ADGRG7: variants seen among roughly 807,000 people sequenced by gnomAD.
ADGRG7 encodes G-protein coupled receptor 128.
Under a neutral mutation model 88.6 loss-of-function variants are expected in ADGRG7, and 82 were observed. That is an observed-to-expected ratio of 0.93 (90% CI 0.77 to 1.11). The LOEUF (loss-of-function observed/expected upper bound fraction) is 1.11, where lower values mean the gene tolerates loss of function less well. ADGRG7 is among the 50% of genes most tolerant of loss of function. The pLI is 0.00. For synonymous variants in ADGRG7, 381 were observed against 345.2 expected (o/e 1.10, Z -1.15); for missense variants, 945 against 953.4 (o/e 0.99, Z 0.12).
intron 15 of ADGRG7, among the ~76,000 whole-genome samples, chr3:100,671,987 C>A (rs1462049960): frequency 1.3e-5 from 2 of 152,058 alleles, no homozygotes; most frequent in Non-Finnish European, 2.9e-5. Context: ...AGTCAGGTAG[C>A]GTGATGCCTC....
chr3:100,650,446 T>C (rs2094927233), intron 11 of ADGRG7, among the ~76,000 whole-genome samples: 1 of 152,220 alleles, frequency 6.6e-6, no homozygotes, highest in African/African-American at 2.4e-5. Context: ...GTTTCCTCTG[T>C]CAACTTCACA....
intron 15 of ADGRG7, among the ~76,000 whole-genome samples, chr3:100,672,041 T>A (rs1017170294): frequency 3.0e-4 from 45 of 152,346 alleles, no homozygotes; most frequent in African/African-American, 1.1e-3. Context: ...CTATGTGGGC[T>A]CTTTTTTGGT....
chr3:100,617,158 G>A (rs1247256959), intron 1 of ADGRG7, among the ~76,000 whole-genome samples: 1 of 152,062 alleles, frequency 6.6e-6, no homozygotes, highest in African/African-American at 2.4e-5. Flanking sequence ...TTTAAAAGAT[G>A]TTTATAGAAA....
At chr3:100,673,305 G>A (rs2094961003) in intron 15 of ADGRG7, among the ~76,000 whole-genome samples, 1 of 152,090 alleles carries the variant, frequency 6.6e-6, no homozygotes, top group Admixed American at 6.6e-5. Flanking sequence ...GAGGGTGTAT[G>A]TGTCCAGGAA....
chr3:100,668,155 C>T lies in ADGRG7; in HGVS notation c.1980-794C>T, dbSNP rs1228124531. ...CCCAGTGAGATGAACCTGGTACCTACGTTGAAAATGCAGAAATCATCTGCC... is the reference window on the plus strand; with the variant it reads ...CCCAGTGAGATGAACCTGGTACCTATGTTGAAAATGCAGAAATCATCTGCC... On this transcript the variant is annotated intron_variant, in intron 14 of 15. Transcript: ENST00000273352. Among the ~76,000 whole-genome samples, 5 of 152,346 alleles carry T rather than the reference C, an allele frequency of 3.3e-5. No individual in the cohort carries two copies. The East Asian group carries it at 5.8e-4, about 18-fold the overall frequency.
chr3:100,623,126 AT>A (rs1553690270), intron 1 of ADGRG7, among the ~76,000 whole-genome samples: 1 of 151,912 alleles, frequency 6.6e-6, no homozygotes, highest in Non-Finnish European at 1.5e-5. Context: ...CTAATTATCA[AT>A]TTTTTTCTAT....
chr3:100,672,621 C>A (rs78683642), intron 15 of ADGRG7, among the ~76,000 whole-genome samples: 242 of 152,276 alleles, frequency 1.6e-3, no homozygotes, highest in African/African-American at 5.5e-3. Context: ...AGAGGGGCAT[C>A]CTTGTCTTGT....
intron 1 of ADGRG7, among the ~76,000 whole-genome samples, chr3:100,624,077 C>G (rs1463073576): frequency 6.6e-6 from 1 of 152,030 alleles, no homozygotes. Flanking sequence ...GTGGGTCAAA[C>G]GGTATTTCTG....
chr3:100,694,720 A>T (rs1361513786), intron 15 of ADGRG7, 24 bp from the exon 16 acceptor site: 1 of 1,606,924 alleles, frequency 6.2e-7, no homozygotes, highest in East Asian at 2.2e-5. Context: ...CTTACCCAAC[A>T]TTAAACTTTT....
chr3:100,609,915 T>A lies in ADGRG7; in HGVS notation c.59T>A (p.Leu20Gln). 6.2e-7 allele frequency: 1 copy of A among 1,614,026 alleles called. No homozygotes were observed. Among genetic ancestry groups the A allele is most frequent in the Non-Finnish European group, 8.5e-7 (1 of 1,179,898 alleles). ...RVLVAVVCGL[L>Q]TGIILGLGIW... ...CTGGTGGCTGTCGTGTGTGGACTAC[T>A]GACTGGCATCATTTTGGGACTGGGC... Residue 20 changes from leucine to glutamine, a missense_variant, in exon 1 of 16, where the codon CTG (leucine) becomes CAG (glutamine). Physicochemically the swap from Leu to Gln is moderately radical, Grantham distance 113. Coordinates refer to ENST00000273352, the MANE Select transcript of ADGRG7 (RefSeq NM_032787.3).
chr3:100,641,903 C>A (rs1457609686), intron 6 of ADGRG7, among the ~76,000 whole-genome samples: 2 of 152,266 alleles, frequency 1.3e-5, no homozygotes, highest in Non-Finnish European at 2.9e-5. Flanking sequence ...TCAAAAAAAA[C>A]CCCGTTTCCA....
Position 100,609,956 on chromosome 3 carries a change from A to T in ADGRG7, c.100A>T (p.Ile34Phe). ...GGGACTGGGCATCTGGAGGATTGTGATCAGGATCCAAAGAGGTAATGTTGT... is the reference window on the plus strand; with the variant it reads ...GGGACTGGGCATCTGGAGGATTGTGTTCAGGATCCAAAGAGGTAATGTTGT... ...ILGLGIWRIVIRIQRGKSTSS... is the reference protein window; with the variant it reads ...ILGLGIWRIVFRIQRGKSTSS... The change falls in exon 1 of 16, where the codon ATC (isoleucine) becomes TTC (phenylalanine). Residue 34 changes from isoleucine (I) to phenylalanine (F), a missense_variant. Ile to Phe is a conservative substitution (Grantham distance 21). Coordinates refer to ENST00000273352, the MANE Select transcript of ADGRG7 (RefSeq NM_032787.3). The T allele has an allele frequency of 3.7e-6, 6 of 1,613,060 alleles. No individual in the cohort carries two copies. Among genetic ancestry groups the T allele is most frequent in the Non-Finnish European group, 5.1e-6 (6 of 1,179,176 alleles).
intron 15 of ADGRG7, among the ~76,000 whole-genome samples, chr3:100,689,857 A>G (rs2094990062): frequency 6.6e-6 from 1 of 151,952 alleles, no homozygotes; most frequent in South Asian, 2.1e-4. Flanking sequence ...TGTGTCTTGG[A>G]GTTGCTCTTC....
chr3:100,630,782 C>A lies in ADGRG7; in HGVS notation c.307C>A (p.Gln103Lys), dbSNP rs1398608011. The A allele has an allele frequency of 4.7e-6, 7 of 1,481,778 alleles. No homozygotes were observed. The Middle Eastern group carries it at 5.3e-4, about 112-fold the overall frequency. The allele number at this position is 1,481,778 out of a possible 1,614,324, so 91.8% of individuals were successfully genotyped here. Residue 103 changes from glutamine to lysine, a missense_variant, in exon 3 of 16, where the codon CAA becomes AAA. Gln to Lys is a moderately conservative substitution (Grantham distance 53). Coordinates refer to ENST00000273352, the MANE Select transcript of ADGRG7 (RefSeq NM_032787.3). ...AGTGGGCAGATATGGACCATCCTTGCAAACATGTGGCAAGGATACTCCAAA... is the reference window on the plus strand; with the variant it reads ...AGTGGGCAGATATGGACCATCCTTGAAAACATGTGGCAAGGATACTCCAAA... ...IPVGRYGPSLQTCGKDTPNAG... is the reference protein window; with the variant it reads ...IPVGRYGPSLKTCGKDTPNAG...
intron 14 of ADGRG7, among the ~76,000 whole-genome samples, chr3:100,666,441 G>A (rs2094951855): frequency 6.6e-6 from 1 of 152,194 alleles, no homozygotes; most frequent in African/African-American, 2.4e-5. Context: ...AAAGGATTAA[G>A]TGCTGTGCTT....
At chr3:100,683,330 G>A (rs1186033409) in intron 15 of ADGRG7, among the ~76,000 whole-genome samples, 1 of 152,160 alleles carries the variant, frequency 6.6e-6, no homozygotes. Flanking sequence ...AAGAGCTGTG[G>A]CTCTTCGGGG....
chr3:100,630,132 C>G (rs916543620), intron 2 of ADGRG7, among the ~76,000 whole-genome samples: 1 of 151,942 alleles, frequency 6.6e-6, no homozygotes, highest in Admixed American at 6.6e-5. Context: ...AAATTTTTAT[C>G]TTTTCTTCCT....
intron 14 of ADGRG7, among the ~76,000 whole-genome samples, chr3:100,666,398 T>G (rs878973341): frequency 1.3e-5 from 2 of 152,114 alleles, no homozygotes; most frequent in Non-Finnish European, 2.9e-5. Context: ...CAGACAAACA[T>G]GTGAACAAAG....
At chr3:100,693,408 G>T (rs2094997056) in intron 15 of ADGRG7, among the ~76,000 whole-genome samples, 1 of 152,098 alleles carries the variant, frequency 6.6e-6, no homozygotes, top group Non-Finnish European at 1.5e-5. Flanking sequence ...CACTGTCATA[G>T]GGCCTTTCTT....
Sources: allele counts gnomAD v4.1 joint callset (sites outside exome capture counted in the v4.1 genomes callset), GRCh38; gene constraint gnomAD v4.1.1; transcripts MANE v1.5; gene names NCBI Gene and HGNC (gene_info 2026-07-23, HGNC 2026-07-21).